The following ADAMTS13 variants were observed in gnomAD, a reference collection of about 807,000 sequenced individuals.
The protein encoded by ADAMTS13 is A disintegrin and metalloproteinase with thrombospondin motifs 13.
A neutral mutation model predicts 155.1 loss-of-function variants in ADAMTS13; 110 were observed. The ratio of observed to expected loss-of-function variants is 0.71; its 90% CI spans 0.61 to 0.83. The LOEUF is 0.83. Among genes scored for constraint, ADAMTS13 ranks in the 40% least tolerant of loss-of-function variants. ADAMTS13 has a pLI of 0.00. For missense variants in ADAMTS13, 1,707 were observed against 1,891.7 expected (o/e 0.90, Z 1.81); for synonymous variants, 758 against 756.4 (o/e 1.00, Z -0.03).
chr9:133,437,726 C>T, intron 12 of ADAMTS13, 23 bp from the exon 13 acceptor site: 1 of 1,613,562 alleles, frequency 6.2e-7, no homozygotes, highest in East Asian at 2.2e-5. Context: ...TTCAGGACAC[C>T]CTTTTTCACT....
chr9:133,455,480 CG>C, intron 25 of ADAMTS13, 45 bp downstream of exon 25: 1 of 1,612,390 alleles, frequency 6.2e-7, no homozygotes. Flanking sequence ...TGCTCCAGGA[CG>C]GACCACAGCC....
rs1371570379 is a variant in ADAMTS13, at chr9:133,445,023, G to A, written c.2581G>A (p.Gly861Arg). The A allele has an allele frequency of 1.1e-5, 18 of 1,613,230 alleles. No homozygotes were observed. Among genetic ancestry groups the A allele is most frequent in the African/African-American group, 5.3e-5 (4 of 74,926 alleles). ...EKLPAPEPCV[G>R]MSCPPGWGHL... ...GCTGCCTGCCCCTGAGCCCTGTGTCGGGATGTCATGTCCTCCAGGCTGGGG... is the reference window on the plus strand; with the variant it reads ...GCTGCCTGCCCCTGAGCCCTGTGTCAGGATGTCATGTCCTCCAGGCTGGGG... The change falls in exon 20 of 29, where the codon GGG becomes AGG. Residue 861 changes from glycine to arginine, a missense_variant. Physicochemically the swap from Gly to Arg is moderately radical, Grantham distance 125. This residue lies in a region of ADAMTS13 where 961 missense variants were observed against 1,107.9 expected (regional missense o/e 0.87). Coordinates refer to ENST00000355699, the MANE Select transcript of ADAMTS13 (RefSeq NM_139027.6). This position sits in a 1 kb window ranked among gnomAD's most constrained non-coding sequence, Gnocchi z 5.0.
intron 11 of ADAMTS13, 52 bp from the exon 12 acceptor site, chr9:133,436,777 C>CTGGGGGGG: frequency 1.9e-6 from 1 of 527,460 alleles, no homozygotes; most frequent in Non-Finnish European, 3.5e-6. Flanking sequence ...CCAGTGACAA[C>CTGGGGGGG]ACCCGCCCCC....
intron 1 of ADAMTS13, chr9:133,414,899 T>A (rs782800841): frequency 6.2e-7 from 1 of 1,614,122 alleles, no homozygotes; most frequent in Admixed American, 1.7e-5. Flanking sequence ...TCCCTTCACT[T>A]GAGGCGAGGT....
upstream of ADAMTS13, among the ~76,000 whole-genome samples, chr9:133,418,330 C>T (rs1839802981): frequency 6.6e-6 from 1 of 152,240 alleles, no homozygotes; most frequent in African/African-American, 2.4e-5. Flanking sequence ...GGCTAGGTCG[C>T]TCGCCTGCGT....
chr9:133,418,269 T>C (rs3118665), upstream of ADAMTS13, among the ~76,000 whole-genome samples: 138,687 of 152,326 alleles, frequency 0.91, 63,339 homozygotes, highest in African/African-American at 0.97. Context: ...GTGTAGCACC[T>C]GGTAGGGCAG....
intron 16 of ADAMTS13, 21 bp from the exon 17 acceptor site, chr9:133,442,377 GC>G (rs782670161): frequency 4.3e-6 from 7 of 1,613,850 alleles, no homozygotes; most frequent in Non-Finnish European, 4.2e-6. Flanking sequence ...ACTGGACAAG[GC>G]CTGAAGCTCT....
chr9:133,432,518 T>G (rs1554787734), intron 8 of ADAMTS13, 70 bp from the exon 9 acceptor site: 1 of 1,345,070 alleles, frequency 7.4e-7, no homozygotes. Context: ...GAGGGACAGT[T>G]AAGGTTGGAC....
At chr9:133,438,783 G>A (rs1038112978) in intron 14 of ADAMTS13, among the ~76,000 whole-genome samples, 2 of 151,916 alleles carry the variant, frequency 1.3e-5, no homozygotes, top group Non-Finnish European at 2.9e-5. Context: ...GCATGATGGC[G>A]GGCGCCTGTA....
Position 133,422,459 on chromosome 9 carries a change from C to T in ADAMTS13, c.16C>T (p.Pro6Ser), listed in dbSNP as rs375023076. The T allele has an allele frequency of 2.5e-6, 4 of 1,613,810 alleles. No homozygotes were observed. In the African/African-American group the frequency reaches 4.0e-5, roughly 16 times the overall value. Residue 6 changes from proline to serine, a missense_variant, in exon 1 of 29, where the codon CCC becomes TCC. Pro to Ser is a moderately conservative substitution (Grantham distance 74). Coordinates refer to ENST00000355699, the MANE Select transcript of ADAMTS13 (RefSeq NM_139027.6). Reference sequence around the variant, plus strand: ...TCTCCTGAGGATGCACCAGCGTCACCCCCGGGCAAGATGCCCTCCCCTCTG... The same window carrying T: ...TCTCCTGAGGATGCACCAGCGTCACTCCCGGGCAAGATGCCCTCCCCTCTG... The part of the protein sequence containing the change: MHQRH[P>S]RARCPPLCVA...
rs782114348 is a variant in ADAMTS13, at chr9:133,430,005, G to A, written c.891G>A (p.Pro297=). Residue 297 remains proline (P), a synonymous_variant, in exon 8 of 29, where the codon CCG becomes CCA. Transcript: ENST00000355699. ...RPQPGSAGHP[P]DAQPGLYYSA... ...AACCCGGGTCCGCGGGGCACCCGCC[G>A]GATGCGCAGCCTGGCCTCTACTACA... 1 of 1,574,250 alleles carries A rather than the reference G, an allele frequency of 6.4e-7. No homozygotes were observed. Among genetic ancestry groups the A allele is most frequent in the Non-Finnish European group, 8.6e-7 (1 of 1,165,188 alleles).
chr9:133,450,112 A>G (rs1234342799), intron 23 of ADAMTS13, 147 bp downstream of exon 23: 8 of 901,370 alleles, frequency 8.9e-6, no homozygotes, highest in African/African-American at 1.7e-5. Context: ...AACCTGGGCA[A>G]CACAGTGAGA....
In ADAMTS13 at chr9:133,426,272, A is replaced by G. The variant is rs781874381; in HGVS notation, c.613A>G (p.Thr205Ala). 1.9e-6 allele frequency: 3 copies of G among 1,611,442 alleles called. No homozygotes were observed. Among genetic ancestry groups the G allele is most frequent in the South Asian group, 2.2e-5 (2 of 91,082 alleles). ...VTQLGGACSP[T>A]WSCLITEDTG... Reference sequence around the variant, plus strand: ...CCAGCTGGGCGGTGCCTGCTCCCCAACCTGGAGCTGCCTCATTACCGAGGA... The same window carrying G: ...CCAGCTGGGCGGTGCCTGCTCCCCAGCCTGGAGCTGCCTCATTACCGAGGA... Residue 205 changes from threonine to alanine, a missense_variant, in exon 6 of 29, where the codon ACC becomes GCC. By Grantham distance (58) the Thr-to-Ala change is moderately conservative (BLOSUM62 0). Coordinates refer to ENST00000355699, the MANE Select transcript of ADAMTS13 (RefSeq NM_139027.6).
rs587681657 is a variant in ADAMTS13, at chr9:133,445,462, C to G, written c.2611-237C>G. 6.6e-6 allele frequency among the ~76,000 whole-genome samples: 1 copy of G among 152,188 alleles called. No individual in the cohort carries two copies. On this transcript the variant is annotated intron_variant, in intron 20 of 28. Coordinates refer to ENST00000355699, the MANE Select transcript of ADAMTS13 (RefSeq NM_139027.6). The surrounding 1 kb of genome is among the most constrained non-coding windows in gnomAD (Gnocchi z 5.0). Reference sequence around the variant, plus strand: ...TGTCCCACTCTTGGTCCCCAGCTCTCGGCCAGGCCCACAGTGAGCACTCAT... The same window carrying G: ...TGTCCCACTCTTGGTCCCCAGCTCTGGGCCAGGCCCACAGTGAGCACTCAT...
chr9:133,456,208 C>T lies in ADAMTS13; in HGVS notation c.3540C>T (p.Cys1180=). 1 of 1,613,542 alleles carries T rather than the reference C, an allele frequency of 6.2e-7. No homozygotes were observed. The highest frequency in any genetic ancestry group is 1.1e-5 in the South Asian group (1 of 91,086). The change falls in exon 26 of 29, where the codon TGC becomes TGT. Residue 1180 remains cysteine, a synonymous_variant. Coordinates refer to ENST00000355699, the MANE Select transcript of ADAMTS13 (RefSeq NM_139027.6). This position sits in a 1 kb window ranked among gnomAD's most constrained non-coding sequence, Gnocchi z 4.4. ...TLRVLESSLN[C]SAGDMLLLWG... is the part of the protein sequence containing the mutation. ...GCGTCCTTGAGAGTTCTCTCAACTG[C>T]AGTGCGGGTATGTCTAGGGCCATGC...
chr9:133,437,890 G>A lies in ADAMTS13; in HGVS notation c.1577G>A (p.Ser526Asn). 1 of 1,613,598 alleles carries A rather than the reference G, an allele frequency of 6.2e-7. No individual in the cohort carries two copies. The highest frequency in any genetic ancestry group is 1.1e-5 in the South Asian group (1 of 91,080). ...DGTLSLCVSG[S>N]CRTFGCDGRM... The stretch of plus-strand genomic sequence containing the variant: ...ACCCTGAGCCTGTGTGTGTCGGGCA[G>A]CTGCAGGGTAGGCGTGTGTGGACAT... The change falls in exon 13 of 29, where the codon AGC becomes AAC. Residue 526 changes from serine to asparagine, a missense_variant. Coordinates refer to ENST00000355699, the MANE Select transcript of ADAMTS13 (RefSeq NM_139027.6).
chr9:133,428,755 C>G lies in ADAMTS13; in HGVS notation c.808C>G (p.Leu270Val), dbSNP rs1482313650. The G allele has an allele frequency of 3.5e-5, 47 of 1,351,428 alleles. No homozygotes were observed. The highest frequency in any genetic ancestry group is 4.4e-5 in the Non-Finnish European group (46 of 1,048,868). 83.7% of individuals were successfully genotyped at this position (1,351,428 alleles called of 1,614,324 possible). A position where few individuals can be genotyped will look rare whatever the true frequency, so the allele number is the denominator to read the frequency against. ...CTGGTCCCCCTGCAGCCGCCGGCAG[C>G]TGCTGAGCCTGCTCAGGTAGCGGCC... ...LAWSPCSRRQ[L>V]LSLLSAGRAR... Residue 270 changes from leucine to valine, a missense_variant, in exon 7 of 29, where the codon CTG (leucine) becomes GTG (valine). Physicochemically the swap from Leu to Val is conservative, Grantham distance 32. Coordinates refer to ENST00000355699, the MANE Select transcript of ADAMTS13 (RefSeq NM_139027.6).
At position 133,445,552 on chromosome 9, in the gene ADAMTS13, G is replaced by A. The variant is rs36221587; in HGVS notation, c.2611-147G>A. ...ATACCCGCTGCGAGACCGGGGAGCC[G>A]ATCTCGCCAAGGGAGGAGGGGAGGG... On this transcript the variant is annotated intron_variant, in intron 20 of 28. Transcript: ENST00000355699. This position sits in a 1 kb window ranked among gnomAD's most constrained non-coding sequence, Gnocchi z 5.0. 0.01 allele frequency: 12,869 copies of A among 1,276,230 alleles called. 569 individuals are homozygous for A. In the African/African-American group the frequency reaches 0.13, roughly 13 times the overall value. 79.1% of individuals were successfully genotyped at this position (1,276,230 alleles called of 1,614,324 possible).
chr9:133,439,773 C>T (rs150512920), intron 15 of ADAMTS13, among the ~76,000 whole-genome samples: 2 of 152,332 alleles, frequency 1.3e-5, no homozygotes, highest in Admixed American at 1.3e-4. Context: ...TGGAGTATTG[C>T]CCACACAGAA....
Sources: allele counts gnomAD v4.1 joint callset (sites outside exome capture counted in the v4.1 genomes callset), GRCh38; gene constraint gnomAD v4.1.1; regional missense constraint gnomAD v4.1.1; non-coding constraint Gnocchi (gnomAD v3.1); transcripts MANE v1.5; gene names NCBI Gene and HGNC (gene_info 2026-07-23, HGNC 2026-07-21).